Variants in MGMT observed in about 807,000 individuals in gnomAD.
The protein encoded by MGMT is O-6-methylguanine-DNA methyltransferase.
MGMT carries 14 observed loss-of-function variants against 15.9 expected under a neutral mutation model. The observed-to-expected ratio is 0.88, with a 90% CI of 0.58 to 1.37. The LOEUF (loss-of-function observed/expected upper bound fraction) is 1.37, where lower values mean the gene tolerates loss of function less well. Among genes scored for constraint, MGMT ranks in the 40% most tolerant of loss-of-function variants. The probability of loss-of-function intolerance (pLI) is 0.00; values close to 1 mark genes in which losing one functional copy is unlikely to be tolerated. For synonymous variants in MGMT, 130 were observed against 118.2 expected (o/e 1.10, Z -0.65); for missense variants, 282 against 268.1 (o/e 1.05, Z -0.36).
At chr10:129,585,432 G>GT (rs1211801596) in intron 2 of MGMT, among the ~76,000 whole-genome samples, 3 of 152,178 alleles carry the variant, frequency 2.0e-5, no homozygotes, top group Non-Finnish European at 4.4e-5. Context: ...GCTGGAAACC[G>GT]TAGAAGGCAC....
chr10:129,696,321 CA>C (rs112344448), intron 2 of MGMT, among the ~76,000 whole-genome samples: 92,293 of 151,942 alleles, frequency 0.61, 28,551 homozygotes, highest in African/African-American at 0.72. Flanking sequence ...TGCATTATAT[CA>C]GGGGGTGGGG....
intron 3 of MGMT, among the ~76,000 whole-genome samples, chr10:129,713,546 G>A (rs534664638): frequency 6.6e-5 from 10 of 152,220 alleles, no homozygotes; most frequent in African/African-American, 1.7e-4. Flanking sequence ...AATGAGTACC[G>A]GGGCCGCCAC....
intron 1 of MGMT, among the ~76,000 whole-genome samples, chr10:129,487,944 T>TACACACACAAACACACATAGGTGTATAC (rs1845426596): frequency 7.0e-6 from 1 of 143,150 alleles, no homozygotes; most frequent in Non-Finnish European, 1.5e-5. Context: ...TGTATATATA[T>TACACACACAAACACACATAGGTGTATAC]ACACACACAA....
chr10:129,723,548 A>G (rs913171986), intron 3 of MGMT, among the ~76,000 whole-genome samples: 1 of 152,230 alleles, frequency 6.6e-6, no homozygotes, highest in African/African-American at 2.4e-5. Context: ...GAAAGAAATT[A>G]TTAATAAATT....
rs531203591 is a variant in MGMT at position 129,640,570 on chromosome 10, T to C, written c.126-67325T>C. ...TTTATGGAAGAAATAATGTCTGTTC[T>C]AGAAAATTCTTCCAGAAAATACACG... On this transcript the variant is annotated intron_variant, in intron 2 of 4. Transcript: ENST00000651593. Among the ~76,000 whole-genome samples, 3 of 147,338 alleles carry C rather than the reference T, an allele frequency of 2.0e-5. No individual in the cohort carries two copies. The South Asian group carries it at 6.5e-4, about 32-fold the overall frequency.
At chr10:129,735,633 G>A (rs1361157563) in intron 3 of MGMT, among the ~76,000 whole-genome samples, 7 of 133,050 alleles carry the variant, frequency 5.3e-5, no homozygotes, top group African/African-American at 2.0e-4. Flanking sequence ...TGCTTTTCTA[G>A]TTCTTTTAAT....
intron 2 of MGMT, among the ~76,000 whole-genome samples, chr10:129,671,436 T>C (rs1232053816): frequency 6.6e-6 from 1 of 152,128 alleles, no homozygotes; most frequent in African/African-American, 2.4e-5. Context: ...ACATCTTTTT[T>C]TTTTTGGTAA....
intron 2 of MGMT, among the ~76,000 whole-genome samples, chr10:129,597,487 A>C (rs1342806811): frequency 6.6e-6 from 1 of 152,052 alleles, no homozygotes; most frequent in African/African-American, 2.4e-5. Context: ...TAAAAAAACA[A>C]AAAAAAAGAC....
At chr10:129,607,236 A>ATT (rs1040892670) in intron 2 of MGMT, among the ~76,000 whole-genome samples, 1 of 145,646 alleles carries the variant, frequency 6.9e-6, no homozygotes. Context: ...GAGGGCAGTC[A>ATT]TTTTTTTTTT....
chr10:129,739,708 G>A (rs1355834044), intron 3 of MGMT, among the ~76,000 whole-genome samples: 4 of 152,210 alleles, frequency 2.6e-5, no homozygotes, highest in Admixed American at 2.0e-4. Context: ...GCCACCTGCA[G>A]CCCAGGATAG....
chr10:129,504,008 G>C (rs183738370), intron 1 of MGMT, among the ~76,000 whole-genome samples: 1 of 152,180 alleles, frequency 6.6e-6, no homozygotes, highest in Admixed American at 6.5e-5. Context: ...ATCAGATCAG[G>C]GTTCCATGTC....
rs80016587 is a variant in MGMT, at chr10:129,477,723, A to T, written c.-13+10427A>T. 7.9e-5 allele frequency among the ~76,000 whole-genome samples: 12 copies of T among 152,306 alleles called. No individual in the cohort carries two copies. The East Asian group carries it at 2.3e-3, about 29-fold the overall frequency. On this transcript the variant is annotated intron_variant, in intron 1 of 4. Coordinates refer to ENST00000651593, the MANE Select transcript of MGMT (RefSeq NM_002412.5). ...ACTTGCCAGCCTCCAGAACCGTGAG[A>T]AGATAAATGTCTGTTGGTTAAGCCC... is the stretch of plus-strand genomic sequence containing the variant.
rs1554873500 is a variant in MGMT at position 129,646,725 on chromosome 10, T to TATAG, written c.126-61167_126-61166insGATA. Among the ~76,000 whole-genome samples, 4 of 28,616 alleles carry TATAG rather than the reference T, an allele frequency of 1.4e-4. 1 individual carries two copies. Among genetic ancestry groups the TATAG allele is most frequent in the African/African-American group, 5.4e-4 (4 of 7,408 alleles). 18.8% of individuals were successfully genotyped at this position (28,616 alleles called of 152,430 possible). A position where few individuals can be genotyped will look rare whatever the true frequency, so the allele number is the denominator to read the frequency against. On this transcript the variant is annotated intron_variant, in intron 2 of 4. Coordinates refer to ENST00000651593, the MANE Select transcript of MGMT (RefSeq NM_002412.5). ...AAGCCTGCTGCCCATCAGAAATATA[T>TATAG]ATATATATATATATATATATATATA... is the stretch of plus-strand genomic sequence containing the variant.
intron 2 of MGMT, among the ~76,000 whole-genome samples, chr10:129,545,534 A>T (rs192248224): frequency 6.6e-5 from 10 of 152,290 alleles, no homozygotes; most frequent in Non-Finnish European, 7.4e-5. Context: ...GCTGTTTTAG[A>T]GGAGAAAAAG....
At chr10:129,690,632 G>A (rs908512618) in intron 2 of MGMT, among the ~76,000 whole-genome samples, 1 of 152,244 alleles carries the variant, frequency 6.6e-6, no homozygotes, top group African/African-American at 2.4e-5. Flanking sequence ...GAGCTGGAAA[G>A]GTGCCAGCCG....
chr10:129,733,274 A>C (rs200859248), intron 3 of MGMT, among the ~76,000 whole-genome samples: 43,854 of 147,100 alleles, frequency 0.3, 6,678 homozygotes, highest in South Asian at 0.41. Context: ...ACGGTATCTC[A>C]TTGTGGTTTG....
At chr10:129,480,452 C>A (rs1057073025) in intron 1 of MGMT, among the ~76,000 whole-genome samples, 4 of 152,200 alleles carry the variant, frequency 2.6e-5, no homozygotes, top group Non-Finnish European at 5.9e-5. Context: ...ACAGATCTTT[C>A]AAATATTGAT....
At chr10:129,570,842 A>G (rs543577697) in intron 2 of MGMT, among the ~76,000 whole-genome samples, 37 of 152,314 alleles carry the variant, frequency 2.4e-4, no homozygotes, top group African/African-American at 8.9e-4. Context: ...TAAAAATTCT[A>G]TAAGGGCCTG....
intron 2 of MGMT, among the ~76,000 whole-genome samples, chr10:129,570,726 G>T (rs557847082): frequency 1.1e-3 from 175 of 152,218 alleles, no homozygotes; most frequent in African/African-American, 3.9e-3. Context: ...ATCGATTCTT[G>T]ACCTGCGAGT....
Sources: gnomAD v4.1 joint callset for allele counts (sites outside exome capture counted in the v4.1 genomes callset) on GRCh38, gnomAD v4.1.1 for gene constraint, MANE v1.5 for transcripts, NCBI Gene and HGNC (gene_info 2026-07-23, HGNC 2026-07-21) for gene names.